The following AIM2 variants were observed in gnomAD, a reference collection of about 807,000 sequenced individuals.
AIM2 encodes interferon-inducible protein AIM2.
In AIM2, 30 loss-of-function variants were observed where a neutral mutation model predicts 27.7. That is an observed-to-expected ratio of 1.08 (90% CI 0.81 to 1.47). AIM2 has a LOEUF of 1.47. Among genes scored for constraint, AIM2 ranks in the 40% most tolerant of loss-of-function variants. The pLI is 0.00. For synonymous variants in AIM2, 141 were observed against 145.3 expected (o/e 0.97, Z 0.21); for missense variants, 358 against 411.3 (o/e 0.87, Z 1.12).
At chr1:159,084,327 A>G (rs934340900) in intron 1 of AIM2, among the ~76,000 whole-genome samples, 3 of 152,080 alleles carry the variant, frequency 2.0e-5, no homozygotes, top group Non-Finnish European at 4.4e-5. Flanking sequence ...GTTCTCGCTC[A>G]CCACATCCTT....
intron 1 of AIM2, among the ~76,000 whole-genome samples, chr1:159,092,579 A>G (rs1425217457): frequency 6.6e-6 from 1 of 152,182 alleles, no homozygotes; most frequent in Non-Finnish European, 1.5e-5. Flanking sequence ...GAAGGAGGTG[A>G]ATCCTCATGT....
intron 1 of AIM2, among the ~76,000 whole-genome samples, chr1:159,093,381 G>T (rs1657092154): frequency 6.6e-6 from 1 of 152,180 alleles, no homozygotes; most frequent in Admixed American, 6.5e-5. Flanking sequence ...ATTTCTTACA[G>T]ATTAACAAAT....
chr1:159,107,817 A>G (rs1227170464), intron 1 of AIM2, among the ~76,000 whole-genome samples: 1 of 152,226 alleles, frequency 6.6e-6, no homozygotes, highest in African/African-American at 2.4e-5. Flanking sequence ...AGATGGATAA[A>G]TTCCTGGAAA....
intron 1 of AIM2, among the ~76,000 whole-genome samples, chr1:159,082,035 T>G (rs1011013593): frequency 6.6e-6 from 1 of 152,176 alleles, no homozygotes; most frequent in Non-Finnish European, 1.5e-5. Flanking sequence ...AGGTCTTTCT[T>G]TTTTTCTAGC....
At chr1:159,066,993 G>T (rs1427741163) in intron 3 of AIM2, among the ~76,000 whole-genome samples, 1 of 151,900 alleles carries the variant, frequency 6.6e-6, no homozygotes, top group Non-Finnish European at 1.5e-5. Flanking sequence ...CTTATTATTT[G>T]AAATTATAAA....
chr1:159,071,663 C>T (rs1314849659), intron 2 of AIM2, among the ~76,000 whole-genome samples: 1 of 152,196 alleles, frequency 6.6e-6, no homozygotes, highest in East Asian at 1.9e-4. Flanking sequence ...ATGCCCGCCA[C>T]CATGCCTGGC....
chr1:159,132,572 TTC>T (rs1557915818), intron 1 of AIM2, among the ~76,000 whole-genome samples: 2 of 152,278 alleles, frequency 1.3e-5, no homozygotes, highest in East Asian at 3.9e-4. Flanking sequence ...GATATATATA[TTC>T]TGACCATACA....
At chr1:159,079,945 C>T (rs1656737103), upstream of AIM2, among the ~76,000 whole-genome samples, 1 of 152,104 alleles carries the variant, frequency 6.6e-6, no homozygotes, top group Non-Finnish European at 1.5e-5. Flanking sequence ...CAGTATATAG[C>T]CTTTTCAGAT....
intron 2 of AIM2, among the ~76,000 whole-genome samples, chr1:159,071,501 T>C (rs943245130): frequency 6.6e-6 from 1 of 152,182 alleles, no homozygotes; most frequent in Non-Finnish European, 1.5e-5. Context: ...AGAAGCATAC[T>C]TTGTGTTTTG....
chr1:159,077,272 T>C (rs1431913808), upstream of AIM2, among the ~76,000 whole-genome samples: 4 of 152,148 alleles, frequency 2.6e-5, no homozygotes, highest in African/African-American at 9.7e-5. Context: ...ACAATGAAGG[T>C]ATGGAGTACT....
chr1:159,084,778 TACACACACACACACACACACAC>T (rs113134051), intron 1 of AIM2, among the ~76,000 whole-genome samples: 2 of 135,042 alleles, frequency 1.5e-5, no homozygotes, highest in Non-Finnish European at 3.2e-5. Flanking sequence ...CTGTCTGAAA[TACACACACACACACACACACAC>T]ACACACACAC....
At chr1:159,064,857 C>A (rs948177967) in intron 4 of AIM2, among the ~76,000 whole-genome samples, 1 of 152,160 alleles carries the variant, frequency 6.6e-6, no homozygotes, top group African/African-American at 2.4e-5. Flanking sequence ...AGACAAGAAA[C>A]AATTCACAAT....
intron 1 of AIM2, among the ~76,000 whole-genome samples, chr1:159,085,583 C>T (rs911470771): frequency 7.2e-5 from 11 of 152,108 alleles, no homozygotes; most frequent in African/African-American, 1.9e-4. Context: ...GGAGCTTAGA[C>T]GAAAGGTCAG....
rs74934214 is a variant in AIM2 at position 159,065,052 on chromosome 1, G to A, written c.816+858C>T. Among the ~76,000 whole-genome samples the A allele has an allele frequency of 5.0e-3, 758 of 152,206 alleles. 6 individuals carry two copies. Among genetic ancestry groups the A allele is most frequent in the South Asian group, 0.033 (160 of 4,816 alleles). The stretch of plus-strand genomic sequence containing the variant: ...GTCATTTTACACTTGAGTTTTCCAG[G>A]AGGACTGGAGAGTCTTCCTATCAAT... On this transcript the variant is annotated intron_variant, in intron 4 of 5. Transcript: ENST00000368130.
intron 1 of AIM2, among the ~76,000 whole-genome samples, chr1:159,126,442 T>C (rs1647691122): frequency 6.6e-6 from 1 of 152,008 alleles, no homozygotes; most frequent in African/African-American, 2.4e-5. Flanking sequence ...GGTCAGGAGA[T>C]CGAGACCATC....
intron 1 of AIM2, among the ~76,000 whole-genome samples, chr1:159,125,049 C>A (rs535507003): frequency 4.6e-5 from 7 of 152,302 alleles, no homozygotes; most frequent in Non-Finnish European, 8.8e-5. Flanking sequence ...ATAGCAGTGT[C>A]CCCAGGGAAC....
intron 1 of AIM2, among the ~76,000 whole-genome samples, chr1:159,105,162 C>T (rs957326305): frequency 6.6e-6 from 1 of 152,236 alleles, no homozygotes. Context: ...CTGCACACAG[C>T]CAGGCACTCC....
chr1:159,060,481 C>G (rs965570627), downstream of AIM2, among the ~76,000 whole-genome samples: 1 of 152,128 alleles, frequency 6.6e-6, no homozygotes, highest in Admixed American at 6.5e-5. Flanking sequence ...TGCATGTAGT[C>G]ATGAAACTAC....
intron 1 of AIM2, among the ~76,000 whole-genome samples, chr1:159,132,569 A>G (rs1239354589): frequency 6.6e-6 from 1 of 152,178 alleles, no homozygotes; most frequent in Non-Finnish European, 1.5e-5. Flanking sequence ...TGCGATATAT[A>G]TATTCTGACC....
Sources: allele counts gnomAD v4.1 joint callset (sites outside exome capture counted in the v4.1 genomes callset), GRCh38; gene constraint gnomAD v4.1.1; transcripts MANE v1.5; gene names NCBI Gene and HGNC (gene_info 2026-07-23, HGNC 2026-07-21).